FTO: variants seen among roughly 807,000 people sequenced by gnomAD.
FTO encodes the protein alpha-ketoglutarate-dependent dioxygenase FTO.
FTO carries 47 observed loss-of-function variants against 63.9 expected under a neutral mutation model. The ratio of observed to expected loss-of-function variants is 0.74; its 90% CI spans 0.58 to 0.94. The LOEUF is 0.94. Ranked by LOEUF, FTO falls within the 40% of genes least tolerant of loss-of-function variation. FTO has a pLI of 0.00. For missense variants in FTO, 562 were observed against 618.1 expected (o/e 0.91, Z 0.96); for synonymous variants, 207 against 224.4 (o/e 0.92, Z 0.69).
rs778727414 is a variant in FTO, at chr16:53,825,931, A to G, written c.191A>G (p.Glu64Gly). 2.5e-6 allele frequency: 4 copies of G among 1,614,140 alleles called. No homozygotes were observed. The highest frequency in any genetic ancestry group is 3.4e-6 in the Non-Finnish European group (4 of 1,180,018). ...AGTGTATCTGAGGAGCTCCATAAAGAGGTTCAAGAAGCCTTTCTCACACTG... is the reference window on the plus strand; with the variant it reads ...AGTGTATCTGAGGAGCTCCATAAAGGGGTTCAAGAAGCCTTTCTCACACTG... Reference protein sequence around the residue: ...ASSVSEELHKEVQEAFLTLHK... With the variant: ...ASSVSEELHKGVQEAFLTLHK... The change falls in exon 3 of 9, where the codon GAG becomes GGG. Residue 64 changes from glutamate (E) to glycine (G), a missense_variant. By Grantham distance (98) the Glu-to-Gly change is moderately conservative. Coordinates refer to ENST00000471389, the MANE Select transcript of FTO (RefSeq NM_001080432.3).
intron 1 of FTO, among the ~76,000 whole-genome samples, chr16:53,734,680 A>G (rs76293489): frequency 0.07 from 10,658 of 152,336 alleles, 447 homozygotes; most frequent in South Asian, 0.19. Context: ...TTAATGATAC[A>G]GTCAAATGCA....
intron 8 of FTO, among the ~76,000 whole-genome samples, chr16:54,074,515 A>G (rs145081268): frequency 2.0e-3 from 312 of 152,312 alleles, no homozygotes; most frequent in Non-Finnish European, 3.5e-3. Flanking sequence ...TTCACTTACT[A>G]TATCATAAGC....
chr16:53,810,243 G>A (rs1437579376), intron 2 of FTO, 26 bp downstream of exon 2: 2 of 1,465,648 alleles, frequency 1.4e-6, no homozygotes, highest in Admixed American at 3.3e-5. Flanking sequence ...ATTTTTATCA[G>A]TTTCAGTGAT....
At position 53,853,219 on chromosome 16, in the gene FTO, C is replaced by T. The variant is rs187294097; in HGVS notation, c.895+8921C>T. On this transcript the variant is annotated intron_variant, in intron 4 of 8. Coordinates refer to ENST00000471389, the MANE Select transcript of FTO (RefSeq NM_001080432.3). ...ACTGGGGAGGCCGAGGCCAGAGAAT[C>T]CCTTGAACCTGTTAGGCGGTGGTTG... 1.3e-3 allele frequency among the ~76,000 whole-genome samples: 204 copies of T among 152,226 alleles called. 1 individual carries two copies. The highest frequency in any genetic ancestry group is 4.6e-3 in the African/African-American group (193 of 41,554).
At chr16:54,084,171 G>C (rs1309260903) in intron 8 of FTO, among the ~76,000 whole-genome samples, 5 of 152,180 alleles carry the variant, frequency 3.3e-5, no homozygotes, top group Non-Finnish European at 4.4e-5. Flanking sequence ...AACCTGTACT[G>C]GCTCTCTGTC....
intron 8 of FTO, among the ~76,000 whole-genome samples, chr16:53,946,582 T>C (rs2082655159): frequency 6.6e-6 from 1 of 152,230 alleles, no homozygotes; most frequent in Non-Finnish European, 1.5e-5. Flanking sequence ...TTTATTCTTA[T>C]ATTTTTTTTC....
At chr16:53,856,373 G>GTTTTTA (rs879753687) in intron 4 of FTO, among the ~76,000 whole-genome samples, 1 of 149,504 alleles carries the variant, frequency 6.7e-6, no homozygotes, top group African/African-American at 2.5e-5. Context: ...TTTTTTGGGG[G>GTTTTTA]GGGATATTTA....
intron 1 of FTO, among the ~76,000 whole-genome samples, chr16:53,736,583 G>A (rs1348118920): frequency 1.3e-5 from 2 of 152,032 alleles, no homozygotes; most frequent in Non-Finnish European, 2.9e-5. Context: ...TTCCAGCACA[G>A]TTGCAATAGT....
intron 4 of FTO, among the ~76,000 whole-genome samples, chr16:53,849,830 G>A (rs576701981): frequency 1.4e-4 from 21 of 152,298 alleles, no homozygotes; most frequent in Admixed American, 3.3e-4. Context: ...TTAAGCGGGG[G>A]CTCCCTTGGG....
chr16:53,825,998 A>C lies in FTO; in HGVS notation c.258A>C (p.Gln86His), dbSNP rs1452432547. Residue 86 changes from glutamine (Q) to histidine (H), a missense_variant, in exon 3 of 9, where the codon CAA becomes CAC. Coordinates refer to ENST00000471389, the MANE Select transcript of FTO (RefSeq NM_001080432.3). ...TATTTCGGGACCTGGTTAGGATCCAAGGCAAAGATCTGCTCACTCCGGTAT... is the reference window on the plus strand; with the variant it reads ...TATTTCGGGACCTGGTTAGGATCCACGGCAAAGATCTGCTCACTCCGGTAT... Reference protein sequence around the residue: ...GCLFRDLVRIQGKDLLTPVSR... With the variant: ...GCLFRDLVRIHGKDLLTPVSR... The C allele has an allele frequency of 1.9e-6, 3 of 1,614,066 alleles. No homozygotes were observed. Among genetic ancestry groups the C allele is most frequent in the Non-Finnish European group, 2.5e-6 (3 of 1,180,052 alleles).
At chr16:53,969,891 T>G (rs547326489) in intron 8 of FTO, among the ~76,000 whole-genome samples, 1 of 152,298 alleles carries the variant, frequency 6.6e-6, no homozygotes, top group East Asian at 1.9e-4. Flanking sequence ...TGTGAACTGC[T>G]GCCTAAAAGT....
intron 8 of FTO, among the ~76,000 whole-genome samples, chr16:53,947,239 T>C (rs1053925848): frequency 5.3e-5 from 8 of 152,160 alleles, no homozygotes; most frequent in Admixed American, 2.0e-4. Flanking sequence ...AAGTACCTTC[T>C]GCCAATCCCT....
At chr16:53,902,216 A>G (rs890487663) in intron 7 of FTO, among the ~76,000 whole-genome samples, 1 of 152,212 alleles carries the variant, frequency 6.6e-6, no homozygotes, top group Non-Finnish European at 1.5e-5. Flanking sequence ...ATTCACCCTA[A>G]TGGTACTCAA....
At chr16:53,814,021 A>G (rs1340874091) in intron 2 of FTO, among the ~76,000 whole-genome samples, 1 of 152,162 alleles carries the variant, frequency 6.6e-6, no homozygotes, top group African/African-American at 2.4e-5. Flanking sequence ...AGACTAAGTT[A>G]GTTATCTGAG....
At chr16:54,030,784 G>A (rs1004251195) in intron 8 of FTO, among the ~76,000 whole-genome samples, 10 of 152,024 alleles carry the variant, frequency 6.6e-5, no homozygotes, top group African/African-American at 2.4e-4. Flanking sequence ...CTCTAATAAA[G>A]GATTTAAAGA....
At chr16:53,730,976 T>C (rs2076258192) in intron 1 of FTO, among the ~76,000 whole-genome samples, 1 of 152,236 alleles carries the variant, frequency 6.6e-6, no homozygotes, top group Non-Finnish European at 1.5e-5. Flanking sequence ...AATGAATAAA[T>C]TCCTAGAAAC....
At chr16:53,853,445 GTTTTT>G (rs58676120) in intron 4 of FTO, among the ~76,000 whole-genome samples, 51,040 of 149,312 alleles carry the variant, frequency 0.34, 9,865 homozygotes, top group East Asian at 0.71. Flanking sequence ...TAAGTGTTTT[GTTTTT>G]TTTTTCATCC....
intron 1 of FTO, among the ~76,000 whole-genome samples, chr16:53,738,478 G>T (rs1021711844): frequency 1.3e-5 from 2 of 152,072 alleles, no homozygotes; most frequent in African/African-American, 4.8e-5. Flanking sequence ...CACATCCCAC[G>T]TTATCTCATT....
intron 1 of FTO, among the ~76,000 whole-genome samples, chr16:53,751,314 C>T (rs193062965): frequency 6.0e-4 from 91 of 152,188 alleles, no homozygotes; most frequent in South Asian, 1.2e-3. Flanking sequence ...AAAAATTAGC[C>T]GGGCGTGGTG....
Sources: allele counts gnomAD v4.1 joint callset (sites outside exome capture counted in the v4.1 genomes callset), GRCh38; gene constraint gnomAD v4.1.1; transcripts MANE v1.5; gene names NCBI Gene and HGNC (gene_info 2026-07-23, HGNC 2026-07-21).